The following GRID1 variants were observed in gnomAD, a reference collection of about 807,000 sequenced individuals.
GRID1 encodes glutamate receptor ionotropic, delta-1.
GRID1 carries 28 observed loss-of-function variants against 98.0 expected under a neutral mutation model. That is an observed-to-expected ratio of 0.29 (90% CI 0.21 to 0.39). The LOEUF (loss-of-function observed/expected upper bound fraction) is 0.39. Among genes scored for constraint, GRID1 ranks in the 10% least tolerant of loss-of-function variants. The pLI is 1.00. For synonymous variants in GRID1, 553 were observed against 538.5 expected (o/e 1.03, Z -0.37); for missense variants, 1,111 against 1,340.5 (o/e 0.83, Z 2.67).
chr10:85,631,084 T>G (rs547047797), intron 13 of GRID1, among the ~76,000 whole-genome samples: 1 of 152,230 alleles, frequency 6.6e-6, no homozygotes, highest in African/African-American at 2.4e-5. Flanking sequence ...TCTCTTCCCT[T>G]ACCATCAATT....
At chr10:86,029,914 T>C (rs77021277) in intron 4 of GRID1, among the ~76,000 whole-genome samples, 6,448 of 152,218 alleles carry the variant, frequency 0.042, 403 homozygotes, top group African/African-American at 0.14. Flanking sequence ...GCAAGTAAAA[T>C]TTTAGAGGGA....
At chr10:85,940,964 C>A (rs1282579309) in intron 4 of GRID1, among the ~76,000 whole-genome samples, 1 of 152,188 alleles carries the variant, frequency 6.6e-6, no homozygotes, top group Non-Finnish European at 1.5e-5. Context: ...GACTGACTAC[C>A]AATATAAGAA....
At position 86,184,461 on chromosome 10, in the gene GRID1, C is replaced by CTTTTTTTTTT. The variant is rs1198471392; in HGVS notation, c.520+21893_520+21902dup. Among the ~76,000 whole-genome samples the CTTTTTTTTTT allele has an allele frequency of 1.1e-3, 132 of 122,986 alleles. No homozygotes were observed. The East Asian group carries it at 0.011, about 10-fold the overall frequency. 80.7% of individuals were successfully genotyped at this position (122,986 alleles called of 152,430 possible). A position where few individuals can be genotyped will look rare whatever the true frequency, so the allele number is the denominator to read the frequency against. On this transcript the variant is annotated intron_variant, in intron 3 of 15. Coordinates refer to ENST00000327946, the MANE Select transcript of GRID1 (RefSeq NM_017551.3). ...GGTGATTGTAGTATATTTCTTTTTT[C>CTTTTTTTTTT]TTTTTTTTTTTTTTTTTGCATACAG...
chr10:85,626,849 G>A (rs1019962259), intron 13 of GRID1, among the ~76,000 whole-genome samples: 2 of 152,212 alleles, frequency 1.3e-5, no homozygotes, highest in African/African-American at 4.8e-5. Flanking sequence ...CGGCTGGTGG[G>A]AGTGTGGCTG....
chr10:85,780,247 G>A (rs1842369249), intron 8 of GRID1, among the ~76,000 whole-genome samples: 1 of 152,168 alleles, frequency 6.6e-6, no homozygotes, highest in Admixed American at 6.5e-5. Flanking sequence ...TTGCTGCCAT[G>A]GGCACTGCAG....
At chr10:85,980,727 A>T (rs544355458) in intron 4 of GRID1, among the ~76,000 whole-genome samples, 3 of 152,182 alleles carry the variant, frequency 2.0e-5, no homozygotes, top group Admixed American at 6.5e-5. Context: ...AGAAACAGGG[A>T]TGTGTCTCCT....
At chr10:85,744,008 T>C (rs1404890585) in intron 8 of GRID1, among the ~76,000 whole-genome samples, 1 of 152,172 alleles carries the variant, frequency 6.6e-6, no homozygotes, top group Non-Finnish European at 1.5e-5. Context: ...TAAAATATTT[T>C]TTATTCTCAG....
intron 5 of GRID1, among the ~76,000 whole-genome samples, chr10:85,877,606 C>A (rs1840915527): frequency 6.6e-6 from 1 of 152,146 alleles, no homozygotes; most frequent in Non-Finnish European, 1.5e-5. Flanking sequence ...ACATCCACAC[C>A]AAAAACCCAT....
At position 86,366,724 on chromosome 10, in the gene GRID1, T is replaced by TGGC. The variant is rs940642544; in HGVS notation, c.-335_-333dup. 6.7e-6 allele frequency among the ~76,000 whole-genome samples: 1 copy of TGGC among 149,108 alleles called. No individual in the cohort carries two copies. The highest frequency in any genetic ancestry group is 1.5e-5 in the Non-Finnish European group (1 of 66,538). On this transcript the variant is annotated 5_prime_UTR_variant, in exon 1 of 16. Transcript: ENST00000327946. The surrounding 1 kb of genome is among the most constrained non-coding windows in gnomAD (Gnocchi z 4.1). ...GCGGCTTCGGGGGAGGCTGAGGCGG[T>TGGC]GGCGGCGGCGGCCGGGCCGGCGTGG...
intron 4 of GRID1, among the ~76,000 whole-genome samples, chr10:86,028,906 T>C (rs34766349): frequency 2.6e-5 from 4 of 152,206 alleles, no homozygotes; most frequent in African/African-American, 4.8e-5. Context: ...TTCTGAAGGA[T>C]GGGAGGCAAG....
intron 4 of GRID1, among the ~76,000 whole-genome samples, chr10:85,923,261 G>T (rs1680436121): frequency 1.3e-5 from 2 of 152,152 alleles, no homozygotes; most frequent in South Asian, 4.1e-4. Context: ...AGTTGAACAT[G>T]GGGGAGTGCA....
At chr10:85,914,531 A>G (rs1349380939) in intron 5 of GRID1, among the ~76,000 whole-genome samples, 1 of 152,050 alleles carries the variant, frequency 6.6e-6, no homozygotes. Context: ...TACCAGCACA[A>G]CCACCTGCAC....
chr10:85,609,814 T>C (rs1842713685), intron 15 of GRID1, among the ~76,000 whole-genome samples: 1 of 152,258 alleles, frequency 6.6e-6, no homozygotes. Context: ...TTCTCATCTT[T>C]ATTTCATGAA....
intron 14 of GRID1, among the ~76,000 whole-genome samples, chr10:85,617,066 G>A (rs1842798299): frequency 6.6e-6 from 1 of 152,148 alleles, no homozygotes; most frequent in African/African-American, 2.4e-5. Context: ...CCAGGATGAA[G>A]GGGAAGACAG....
intron 2 of GRID1, among the ~76,000 whole-genome samples, chr10:86,337,643 C>T (rs1848241527): frequency 1.3e-5 from 2 of 150,412 alleles, no homozygotes; most frequent in Non-Finnish European, 2.9e-5. Flanking sequence ...GAATGTCCAG[C>T]GCAGTTTATT....
chr10:86,304,479 G>C lies in GRID1; in HGVS notation c.235+59462C>G, dbSNP rs536566279. On this transcript the variant is annotated intron_variant, in intron 2 of 15. Coordinates refer to ENST00000327946, the MANE Select transcript of GRID1 (RefSeq NM_017551.3). ...ACTTCTGCTCCTGGACCTCTGAGCA[G>C]GACCCAGTAGGCACCTGCTAAGCCC... 5.7e-4 allele frequency among the ~76,000 whole-genome samples: 87 copies of C among 152,366 alleles called. 1 individual carries two copies. Among genetic ancestry groups the C allele is most frequent in the African/African-American group, 2.0e-3 (85 of 41,592 alleles).
intron 4 of GRID1, among the ~76,000 whole-genome samples, chr10:85,952,803 T>G (rs1842141885): frequency 6.6e-6 from 1 of 152,174 alleles, no homozygotes; most frequent in African/African-American, 2.4e-5. Context: ...TCACATGGGT[T>G]TAAACTGCAT....
chr10:86,042,948 G>A (rs567550280), intron 4 of GRID1, among the ~76,000 whole-genome samples: 2 of 152,148 alleles, frequency 1.3e-5, no homozygotes, highest in African/African-American at 4.8e-5. Context: ...AGCTGGGCAT[G>A]GTGGTGTGTG....
intron 12 of GRID1, among the ~76,000 whole-genome samples, chr10:85,722,548 C>A (rs2132649931): frequency 1.3e-5 from 2 of 152,068 alleles, no homozygotes; most frequent in Middle Eastern, 3.4e-3. Flanking sequence ...ATTTTATAAT[C>A]ATATAAATGT....
Sources: gnomAD v4.1 joint callset for allele counts (sites outside exome capture counted in the v4.1 genomes callset) on GRCh38, gnomAD v4.1.1 for gene constraint, Gnocchi (gnomAD v3.1) non-coding constraint, MANE v1.5 for transcripts, NCBI Gene and HGNC (gene_info 2026-07-23, HGNC 2026-07-21) for gene names.